DUSP14: variants seen among roughly 807,000 people sequenced by gnomAD.
DUSP14 encodes the protein dual specificity protein phosphatase 14.
In DUSP14, 5 loss-of-function variants were observed where a neutral mutation model predicts 13.2. The ratio of observed to expected loss-of-function variants is 0.38; its 90% CI spans 0.20 to 0.80. The LOEUF (loss-of-function observed/expected upper bound fraction) is 0.80, where lower values mean the gene tolerates loss of function less well. DUSP14 is among the 30% of genes least tolerant of loss of function. The pLI, the probability that DUSP14 is intolerant of heterozygous loss-of-function variation, is 0.44. For missense variants in DUSP14, 185 were observed against 264.0 expected (o/e 0.70, Z 2.07); for synonymous variants, 91 against 103.4 (o/e 0.88, Z 0.73).
chr17:37,496,890 T>C (rs2054068710), intron 1 of DUSP14, among the ~76,000 whole-genome samples: 1 of 133,370 alleles, frequency 7.5e-6, no homozygotes, highest in Admixed American at 8.5e-5. Flanking sequence ...CACTCCAGCC[T>C]GGGCAACAGA....
chr17:37,499,853 A>C (rs1568201166), intron 1 of DUSP14, among the ~76,000 whole-genome samples: 1 of 152,232 alleles, frequency 6.6e-6, no homozygotes, highest in Non-Finnish European at 1.5e-5. Flanking sequence ...CTAATTAGTA[A>C]TGTAGTCTTC....
intron 1 of DUSP14, among the ~76,000 whole-genome samples, chr17:37,501,636 C>T (rs1018446445): frequency 1.3e-5 from 2 of 152,120 alleles, no homozygotes; most frequent in Non-Finnish European, 2.9e-5. Flanking sequence ...CTGCCTCAGC[C>T]TCCCAAGTAG....
chr17:37,489,757 G>GC (rs2054012431), upstream of DUSP14: 2 of 148,308 alleles, frequency 1.3e-5, no homozygotes, highest in African/African-American at 4.9e-5. Flanking sequence ...GCCGCCTGCC[G>GC]CCCCGCGCGT....
chr17:37,494,380 T>C (rs1469933172), intron 1 of DUSP14, among the ~76,000 whole-genome samples: 1 of 152,172 alleles, frequency 6.6e-6, no homozygotes, highest in African/African-American at 2.4e-5. Flanking sequence ...GTCGTTTTTG[T>C]TCATTTTCTT....
At chr17:37,492,379 T>C (rs767710098) in intron 1 of DUSP14, among the ~76,000 whole-genome samples, 2 of 152,234 alleles carry the variant, frequency 1.3e-5, no homozygotes, top group Non-Finnish European at 2.9e-5. Context: ...AAGATGGCTT[T>C]ATTATTTATG....
intron 1 of DUSP14, among the ~76,000 whole-genome samples, chr17:37,497,760 C>T (rs1425073700): frequency 1.4e-5 from 2 of 147,790 alleles, no homozygotes; most frequent in Non-Finnish European, 1.5e-5. Flanking sequence ...AAAAAAAAGA[C>T]AAGACAAGAC....
At chr17:37,510,348 C>CAT (rs2054174854) in intron 1 of DUSP14, 1 of 152,288 alleles carries the variant, frequency 6.6e-6, no homozygotes, top group Non-Finnish European at 1.5e-5. Context: ...GTTGTGTCCT[C>CAT]ATAGCCCACC....
intron 1 of DUSP14, among the ~76,000 whole-genome samples, chr17:37,496,558 A>T (rs2054066517): frequency 6.6e-6 from 1 of 152,172 alleles, no homozygotes; most frequent in Admixed American, 6.5e-5. Context: ...GTTCGAAACC[A>T]GCCTGACCAA....
intron 1 of DUSP14, among the ~76,000 whole-genome samples, chr17:37,496,906 ACT>A (rs2143063189): frequency 7.9e-6 from 1 of 127,204 alleles, no homozygotes. Context: ...ACAGAGTAAG[ACT>A]CTGTCTCAAA....
intron 1 of DUSP14, among the ~76,000 whole-genome samples, chr17:37,494,032 C>T (rs1432567680): frequency 1.4e-4 from 21 of 147,158 alleles, no homozygotes; most frequent in African/African-American, 4.9e-4. Flanking sequence ...CTCACTCTGT[C>T]GCCCAGGCTG....
upstream of DUSP14, among the ~76,000 whole-genome samples, chr17:37,488,888 T>G (rs973251028): frequency 6.6e-6 from 1 of 152,184 alleles, no homozygotes; most frequent in African/African-American, 2.4e-5. Flanking sequence ...CGCAAACCCA[T>G]GCCTACTCGT....
intron 1 of DUSP14, among the ~76,000 whole-genome samples, chr17:37,493,323 A>G (rs1011154630): frequency 6.6e-6 from 1 of 152,158 alleles, no homozygotes; most frequent in Non-Finnish European, 1.5e-5. Flanking sequence ...GTTGATGGAC[A>G]TCTGGGTTGT....
intron 1 of DUSP14, among the ~76,000 whole-genome samples, chr17:37,498,444 A>G (rs1470345875): frequency 1.4e-5 from 2 of 146,646 alleles, no homozygotes; most frequent in Admixed American, 1.4e-4. Context: ...CTCCTGCCTC[A>G]GCCTCCCCAG....
At chr17:37,511,921 ACCC>A (rs71135738) in intron 2 of DUSP14, among the ~76,000 whole-genome samples, 6 of 49,480 alleles carry the variant, frequency 1.2e-4, no homozygotes, top group East Asian at 1.1e-3. Flanking sequence ...ATGCCCAGCC[ACCC>A]CCCCCCCACC....
chr17:37,508,627 A>T (rs2054153108), intron 1 of DUSP14, among the ~76,000 whole-genome samples: 1 of 151,786 alleles, frequency 6.6e-6, no homozygotes, highest in Non-Finnish European at 1.5e-5. Context: ...CCAGCTACTC[A>T]GGAGGCTGAG....
chr17:37,500,422 A>G (rs985667264), intron 1 of DUSP14, among the ~76,000 whole-genome samples: 9 of 152,172 alleles, frequency 5.9e-5, no homozygotes, highest in African/African-American at 1.9e-4. Flanking sequence ...TCTGTTCTTT[A>G]TCTTCCCTTA....
intron 1 of DUSP14, among the ~76,000 whole-genome samples, 194 bp downstream of exon 1, chr17:37,490,152 A>T (rs1177861732): frequency 3.3e-5 from 5 of 149,980 alleles, no homozygotes; most frequent in Admixed American, 3.3e-4. Flanking sequence ...CGGCCCGCGG[A>T]GGAGAGGCCC....
In DUSP14 at chr17:37,505,500, CTG is replaced by C. The variant is rs200161230; in HGVS notation, c.-180-5176_-180-5175del. On this transcript the variant is annotated intron_variant, in intron 1 of 2. Coordinates refer to ENST00000617516, the MANE Select transcript of DUSP14 (RefSeq NM_007026.4). The stretch of plus-strand genomic sequence containing the variant: ...CTCTGGCCCTCTGAAATTCCTAAAA[CTG>C]AAAGTATTTTAGTGAGAGCATTTTA... Among the ~76,000 whole-genome samples the C allele has an allele frequency of 1.6e-3, 251 of 152,236 alleles. 1 individual carries two copies. The highest frequency in any genetic ancestry group is 3.9e-3 in the East Asian group (20 of 5,190).
In DUSP14 at chr17:37,509,128, TACACACACACAC is replaced by T. The variant is rs869304104; in HGVS notation, c.-180-1520_-180-1509del. On this transcript the variant is annotated intron_variant, in intron 1 of 2. Coordinates refer to ENST00000617516, the MANE Select transcript of DUSP14 (RefSeq NM_007026.4). ...CCATATATATATATATATATATATATACACACACACACACACACACACACACACACACACACA... is the reference window on the plus strand; with the variant it reads ...CCATATATATATATATATATATATATACACACACACACACACACACACACA... 2.1e-3 allele frequency among the ~76,000 whole-genome samples: 64 copies of T among 31,158 alleles called. 10 individuals are homozygous for T. Among genetic ancestry groups the T allele is most frequent in the African/African-American group, 7.6e-3 (53 of 6,974 alleles). The allele number at this position is 31,158 out of a possible 152,430, so 20.4% of individuals were successfully genotyped here.
Sources: allele counts gnomAD v4.1 joint callset (sites outside exome capture counted in the v4.1 genomes callset), GRCh38; gene constraint gnomAD v4.1.1; transcripts MANE v1.5; gene names NCBI Gene and HGNC (gene_info 2026-07-23, HGNC 2026-07-21).